The following NCKAP5 variants were observed in gnomAD, a reference collection of about 807,000 sequenced individuals.
NCKAP5 encodes the protein NCK associated protein 5.
A neutral mutation model predicts 167.0 loss-of-function variants in NCKAP5; 92 were observed. The observed-to-expected ratio is 0.55, with a 90% CI of 0.47 to 0.66. NCKAP5 has a LOEUF of 0.66. NCKAP5 is among the 30% of genes least tolerant of loss of function. The pLI is 0.00. For missense variants in NCKAP5, 2,378 were observed against 2,315.0 expected (o/e 1.03, Z -0.56); for synonymous variants, 891 against 877.4 (o/e 1.02, Z -0.27).
intron 11 of NCKAP5, among the ~76,000 whole-genome samples, chr2:132,815,234 C>A (rs1186773249): frequency 6.6e-6 from 1 of 151,862 alleles, no homozygotes; most frequent in Non-Finnish European, 1.5e-5. Context: ...CGGAGAATAC[C>A]AAAAATGAGT....
At position 132,762,842 on chromosome 2, in the gene NCKAP5, C is replaced by T. The variant is rs113526168; in HGVS notation, c.5128+10974G>A. On this transcript the variant is annotated intron_variant, in intron 16 of 19. Transcript: ENST00000409261. The stretch of plus-strand genomic sequence containing the variant: ...CAGTGATGCTCACTGTGTGCCTTTC[C>T]GGAGATCACCTGTATCATAACAAAC... 8.1e-3 allele frequency among the ~76,000 whole-genome samples: 1,240 copies of T among 152,304 alleles called. 6 individuals carry two copies. The highest frequency in any genetic ancestry group is 0.011 in the Non-Finnish European group (747 of 68,032).
At chr2:133,535,188 G>A (rs1240757484) in intron 2 of NCKAP5, among the ~76,000 whole-genome samples, 1 of 152,046 alleles carries the variant, frequency 6.6e-6, no homozygotes, top group Non-Finnish European at 1.5e-5. Context: ...TTTGTTTCAT[G>A]CATATATTGC....
chr2:132,680,301 ACT>A (rs1406733457), intron 19 of NCKAP5, among the ~76,000 whole-genome samples: 2 of 152,052 alleles, frequency 1.3e-5, no homozygotes, highest in Non-Finnish European at 2.9e-5. Flanking sequence ...ACTTGGGGGC[ACT>A]CTGTTTTCTT....
At chr2:132,850,975 A>C (rs16842479) in intron 11 of NCKAP5, among the ~76,000 whole-genome samples, 49,992 of 150,870 alleles carry the variant, frequency 0.33, 8,679 homozygotes, top group African/African-American at 0.46. Context: ...TTCCAGTGAG[A>C]CTCCTTGCAG....
rs146092252 is a variant in NCKAP5, at chr2:132,974,703, C to T, written c.430-10834G>A. ...TGAGAATCTGTGATCTTTAGCCAAG[C>T]GTGAACCATGCTACTGGCAGCGTTT... On this transcript the variant is annotated intron_variant, in intron 7 of 19. Coordinates refer to ENST00000409261, the MANE Select transcript of NCKAP5 (RefSeq NM_207363.3). Among the ~76,000 whole-genome samples, 1,212 of 152,330 alleles carry T rather than the reference C, an allele frequency of 8.0e-3. 9 individuals are homozygous for T. Among genetic ancestry groups the T allele is most frequent in the Non-Finnish European group, 0.01 (700 of 68,022 alleles).
chr2:133,631,624 A>ATC, the NCKAP5 span, among the ~76,000 whole-genome samples: 1 of 152,120 alleles, frequency 6.6e-6, no homozygotes, highest in East Asian at 1.9e-4. Context: ...ATTGGAGGAG[A>ATC]TCTGTAGATT....
At chr2:133,342,898 G>T (rs2150774663) in intron 3 of NCKAP5, among the ~76,000 whole-genome samples, 1 of 152,274 alleles carries the variant, frequency 6.6e-6, no homozygotes, top group South Asian at 2.1e-4. Context: ...GCAGGATGGT[G>T]CAACATCTCT....
chr2:132,954,875 G>T, intron 8 of NCKAP5: 1 of 320,052 alleles, frequency 3.1e-6, no homozygotes, highest in Non-Finnish European at 6.1e-6. Flanking sequence ...ACATAGAATG[G>T]AATTTTTCTA....
intron 11 of NCKAP5, among the ~76,000 whole-genome samples, chr2:132,851,678 C>T (rs1689091847): frequency 1.3e-5 from 2 of 152,164 alleles, no homozygotes; most frequent in South Asian, 4.1e-4. Flanking sequence ...CTTCCTTGAC[C>T]CATGCAGCCA....
chr2:133,648,705 AAC>A, the NCKAP5 span, among the ~76,000 whole-genome samples: 3 of 152,066 alleles, frequency 2.0e-5, no homozygotes, highest in Admixed American at 6.6e-5. Context: ...GACAAATGAA[AAC>A]ACACACACAA....
intron 3 of NCKAP5, among the ~76,000 whole-genome samples, chr2:133,329,158 C>A (rs557146584): frequency 6.6e-5 from 10 of 152,246 alleles, no homozygotes; most frequent in African/African-American, 2.4e-4. Context: ...TACACTTGGG[C>A]TATACTGAGA....
chr2:132,804,988 T>A (rs1685323818), intron 11 of NCKAP5, among the ~76,000 whole-genome samples: 1 of 152,042 alleles, frequency 6.6e-6, no homozygotes, highest in Non-Finnish European at 1.5e-5. Flanking sequence ...GGAAGTAGCT[T>A]ATTTCTGCCT....
intron 3 of NCKAP5, among the ~76,000 whole-genome samples, chr2:133,456,751 A>G (rs986009738): frequency 1.3e-5 from 2 of 152,140 alleles, no homozygotes; most frequent in Non-Finnish European, 2.9e-5. Flanking sequence ...AAGCAAACAC[A>G]ATTTCTTTTT....
chr2:133,502,149 G>A (rs2151389376), intron 3 of NCKAP5, among the ~76,000 whole-genome samples: 1 of 152,320 alleles, frequency 6.6e-6, no homozygotes, highest in Admixed American at 6.5e-5. Flanking sequence ...CTCCACCTCT[G>A]TCCCTGTCTG....
chr2:133,044,001 A>C (rs1024066879), intron 6 of NCKAP5, among the ~76,000 whole-genome samples: 26 of 152,192 alleles, frequency 1.7e-4, no homozygotes, highest in African/African-American at 5.3e-4. Context: ...CAGATGCTAC[A>C]GAAGGAAGAG....
chr2:132,755,476 G>A (rs567818435), intron 16 of NCKAP5, among the ~76,000 whole-genome samples: 2 of 152,230 alleles, frequency 1.3e-5, no homozygotes, highest in South Asian at 4.2e-4. Flanking sequence ...TTTATGCCAT[G>A]ACTTCTGCAT....
chr2:133,527,197 C>G (rs1684994847), intron 2 of NCKAP5: 1 of 152,066 alleles, frequency 6.6e-6, no homozygotes, highest in African/African-American at 2.4e-5. Flanking sequence ...TGAGAGACAA[C>G]ACAACTTGTT....
chr2:133,593,212 AGAT>A, the NCKAP5 span, among the ~76,000 whole-genome samples: 1 of 152,256 alleles, frequency 6.6e-6, no homozygotes. Flanking sequence ...ATCCATAGAT[AGAT>A]GATATACACT....
At chr2:133,043,544 CATT>C (rs1387725782) in intron 6 of NCKAP5, among the ~76,000 whole-genome samples, 2 of 152,062 alleles carry the variant, frequency 1.3e-5, no homozygotes, top group African/African-American at 2.4e-5. Flanking sequence ...AAAAAAAACT[CATT>C]ATGTTTTAAG....
Sources: allele counts gnomAD v4.1 joint callset (sites outside exome capture counted in the v4.1 genomes callset), GRCh38; gene constraint gnomAD v4.1.1; transcripts MANE v1.5; gene names NCBI Gene and HGNC (gene_info 2026-07-23, HGNC 2026-07-21).